Variants in AP1M1 observed in about 807,000 individuals in gnomAD.
AP1M1 encodes AP-1 complex subunit mu-1.
In AP1M1, 18 loss-of-function variants were observed where a neutral mutation model predicts 57.1. The ratio of observed to expected loss-of-function variants is 0.32; its 90% CI spans 0.22 to 0.47. The LOEUF (loss-of-function observed/expected upper bound fraction) is 0.47. Ranked by LOEUF, AP1M1 falls within the 20% of genes least tolerant of loss-of-function variation. AP1M1 has a pLI of 1.00. For synonymous variants in AP1M1, 241 were observed against 237.9 expected, an observed-to-expected ratio of 1.01 and a Z score of -0.12; for missense variants, 362 against 593.5, an observed-to-expected ratio of 0.61 and a Z score of 4.05.
intron 5 of AP1M1, among the ~76,000 whole-genome samples, chr19:16,225,202 T>C (rs2091566023): frequency 6.6e-6 from 1 of 152,192 alleles, no homozygotes; most frequent in Non-Finnish European, 1.5e-5. Flanking sequence ...GGGCTTTTGT[T>C]TGTCTACCCA....
chr19:16,218,398 C>T (rs1302805191), intron 5 of AP1M1, among the ~76,000 whole-genome samples: 1 of 152,220 alleles, frequency 6.6e-6, no homozygotes, highest in Non-Finnish European at 1.5e-5. Context: ...GGGGTCCTTC[C>T]TGCCGGGATT....
At position 16,207,098 on chromosome 19, in the gene AP1M1, G is replaced by C. The variant is rs1293216499; in HGVS notation, c.267+690G>C. On this transcript the variant is annotated intron_variant, in intron 3 of 11. Coordinates refer to ENST00000291439, the MANE Select transcript of AP1M1 (RefSeq NM_032493.4). The surrounding 1 kb of genome is among the most constrained non-coding windows in gnomAD (Gnocchi z 4.2). ...CTGCTGAGCAGAAGGAGGACTTGAG[G>C]CCAGTGAGGAGGCTGCTGCTGGCTT... 6.6e-6 allele frequency among the ~76,000 whole-genome samples: 1 copy of C among 152,222 alleles called. No homozygotes were observed. The highest frequency in any genetic ancestry group is 1.5e-5 in the Non-Finnish European group (1 of 68,036).
chr19:16,212,630 C>T (rs1175450687), intron 5 of AP1M1, among the ~76,000 whole-genome samples: 1 of 152,116 alleles, frequency 6.6e-6, no homozygotes, highest in Non-Finnish European at 1.5e-5. Context: ...TATTTCTTGT[C>T]TTCTGCTAGC....
rs1056099844 is a variant in AP1M1, at chr19:16,213,083, G to T, written c.546+3906G>T. On this transcript the variant is annotated intron_variant, in intron 5 of 11. Transcript: ENST00000291439. ...ATATTCTCTCGTTTTTGGGTGGAGAGTTCTGTAGATATCTATCAGGTCCAG... is the reference window on the plus strand; with the variant it reads ...ATATTCTCTCGTTTTTGGGTGGAGATTTCTGTAGATATCTATCAGGTCCAG... Among the ~76,000 whole-genome samples, 3 of 152,144 alleles carry T rather than the reference G, an allele frequency of 2.0e-5. No individual in the cohort carries two copies. The East Asian group carries it at 5.8e-4, about 29-fold the overall frequency.
intron 9 of AP1M1, among the ~76,000 whole-genome samples, chr19:16,229,615 A>G (rs1040714897): frequency 6.6e-6 from 1 of 152,216 alleles, no homozygotes; most frequent in Admixed American, 6.5e-5. Flanking sequence ...ACTTGGGGAC[A>G]GCCCCAGCTG....
rs1446814263 is a variant in AP1M1, at chr19:16,227,059, A to C, written c.674-489A>C. Among the ~76,000 whole-genome samples, 1 of 152,096 alleles carries C rather than the reference A, an allele frequency of 6.6e-6. No homozygotes were observed. The highest frequency in any genetic ancestry group is 1.5e-5 in the Non-Finnish European group (1 of 67,998). On this transcript the variant is annotated intron_variant, in intron 6 of 11. Transcript: ENST00000291439. The surrounding 1 kb of genome is among the most constrained non-coding windows in gnomAD (Gnocchi z 6.2). Reference sequence around the variant, plus strand: ...CTGGAAGAGGGTGCAGTGGCTGGGCATGCCCCCGTTCCTAGCCCGGTGAGG... The same window carrying C: ...CTGGAAGAGGGTGCAGTGGCTGGGCCTGCCCCCGTTCCTAGCCCGGTGAGG...
chr19:16,200,639 C>G (rs2091442982), intron 1 of AP1M1, among the ~76,000 whole-genome samples: 1 of 152,224 alleles, frequency 6.6e-6, no homozygotes, highest in African/African-American at 2.4e-5. Context: ...CTGAGAAATT[C>G]ATGGCCACGT....
Position 16,203,204 on chromosome 19 carries a change from C to T in AP1M1, c.43-255C>T, listed in dbSNP as rs941845369. On this transcript the variant is annotated intron_variant, in intron 1 of 11. Coordinates refer to ENST00000291439, the MANE Select transcript of AP1M1 (RefSeq NM_032493.4). This position sits in a 1 kb window ranked among gnomAD's most constrained non-coding sequence, Gnocchi z 4.6. ...GTGATTCAGTCCTGGACCTTTGCTG[C>T]AGAGTTCGCCTCTACCCTCACCCTG... 10 of 520,316 alleles carry T rather than the reference C, an allele frequency of 1.9e-5. No homozygotes were observed. In the East Asian group the frequency reaches 3.5e-4, roughly 18 times the overall value. The allele number at this position is 520,316 out of a possible 1,614,324, so 32.2% of individuals were successfully genotyped here.
chr19:16,205,969 G>A (rs76480524), intron 2 of AP1M1, among the ~76,000 whole-genome samples: 3,935 of 152,256 alleles, frequency 0.026, 169 homozygotes, highest in African/African-American at 0.09. Flanking sequence ...TCATGATGAG[G>A]TCAGCTTTGG....
In AP1M1 at chr19:16,242,364, AC is replaced by A. The variant is rs2091648527; in HGVS notation, c.*7930del. On this transcript the variant is annotated 3_prime_UTR_variant, in exon 12 of 12. Transcript: ENST00000291439. The stretch of plus-strand genomic sequence containing the variant: ...CAGGATAAATGCAGGGATGTTCTAA[AC>A]TTTTTAAAATAATAAATAATAGTAC... The A allele has an allele frequency of 1.3e-5, 2 of 152,174 alleles. No individual in the cohort carries two copies. The highest frequency in any genetic ancestry group is 2.9e-5 in the Non-Finnish European group (2 of 68,040). The allele number at this position is 152,174 out of a possible 1,614,324, so 9.4% of individuals were successfully genotyped here.
chr19:16,227,952 G>A lies in AP1M1; in HGVS notation c.817-185G>A, dbSNP rs557765112. 2.9e-4 allele frequency among the ~76,000 whole-genome samples: 44 copies of A among 152,332 alleles called. No individual in the cohort carries two copies. Among genetic ancestry groups the A allele is most frequent in the African/African-American group, 8.4e-4 (35 of 41,590 alleles). On this transcript the variant is annotated intron_variant, in intron 7 of 11. Coordinates refer to ENST00000291439, the MANE Select transcript of AP1M1 (RefSeq NM_032493.4). The surrounding 1 kb of genome is among the most constrained non-coding windows in gnomAD (Gnocchi z 6.2). ...TCTGCATTTGCCCCAAGGCCTCCCC[G>A]GTAGCTCCCGGCTACCTCGGCCTGT...
rs535195278 is a variant in AP1M1, at chr19:16,227,333, G to C, written c.674-215G>C. Among the ~76,000 whole-genome samples the C allele has an allele frequency of 2.6e-5, 4 of 152,174 alleles. No homozygotes were observed. In the South Asian group the frequency reaches 8.3e-4, roughly 32 times the overall value. On this transcript the variant is annotated intron_variant, in intron 6 of 11. Coordinates refer to ENST00000291439, the MANE Select transcript of AP1M1 (RefSeq NM_032493.4). This position sits in a 1 kb window ranked among gnomAD's most constrained non-coding sequence, Gnocchi z 6.2. The stretch of plus-strand genomic sequence containing the variant: ...GCCGCTGGGGACTCAGCATGAACCA[G>C]ACCCACCAGCCCTGCCCCTGGGGAC...
rs142391348 is a variant in AP1M1, at chr19:16,234,653, G to C, written c.*218G>C. 4.1e-5 allele frequency: 25 copies of C among 610,646 alleles called. No homozygotes were observed. Among genetic ancestry groups the C allele is most frequent in the African/African-American group, 4.1e-4 (22 of 54,032 alleles). The allele number at this position is 610,646 out of a possible 1,614,324, so 37.8% of individuals were successfully genotyped here. ...AAGAGGCTGGTCTTCAAGAAGTCTCGTTTCTTTGCCCCTGAAGTCAGTTTC... is the reference window on the plus strand; with the variant it reads ...AAGAGGCTGGTCTTCAAGAAGTCTCCTTTCTTTGCCCCTGAAGTCAGTTTC... On this transcript the variant is annotated 3_prime_UTR_variant, in exon 12 of 12. Transcript: ENST00000291439.
rs142816946 is a variant in AP1M1 at position 16,236,787 on chromosome 19, T to C, written c.*2352T>C. On this transcript the variant is annotated 3_prime_UTR_variant, in exon 12 of 12. Transcript: ENST00000291439. ...ACCTCCCTGGAGGGACCTAACTTCA[T>C]GCCTTGTTACCTAAGATCCTCGCAC... is the stretch of plus-strand genomic sequence containing the variant. The C allele has an allele frequency of 1.5e-4, 23 of 152,362 alleles. No homozygotes were observed. The highest frequency in any genetic ancestry group is 5.3e-4 in the African/African-American group (22 of 41,586). 9.4% of individuals were successfully genotyped at this position (152,362 alleles called of 1,614,324 possible).
At position 16,227,792 on chromosome 19, in the gene AP1M1, G is replaced by A. The variant is rs895848575; in HGVS notation, c.816+102G>A. 12 of 1,393,492 alleles carry A rather than the reference G, an allele frequency of 8.6e-6. No homozygotes were observed. Among genetic ancestry groups the A allele is most frequent in the Admixed American group, 1.9e-5 (1 of 53,810 alleles). 86.3% of individuals were successfully genotyped at this position (1,393,492 alleles called of 1,614,324 possible). A position where few individuals can be genotyped will look rare whatever the true frequency, so the allele number is the denominator to read the frequency against. ...GGCGCCAGGGCCAGCCCCACCCCAC[G>A]CTCCATGAGCTGCCTGGCTCTGCAG... On this transcript the variant is annotated intron_variant, in intron 7 of 11. Transcript: ENST00000291439. This position sits in a 1 kb window ranked among gnomAD's most constrained non-coding sequence, Gnocchi z 6.2.
intron 5 of AP1M1, among the ~76,000 whole-genome samples, chr19:16,220,472 C>T (rs190662212): frequency 1.3e-5 from 2 of 152,240 alleles, no homozygotes; most frequent in East Asian, 3.9e-4. Context: ...CTCACCGCAA[C>T]CTCTGCCTCC....
chr19:16,226,687 G>A (rs2091572727), intron 6 of AP1M1, 140 bp downstream of exon 6: 3 of 1,077,530 alleles, frequency 2.8e-6, no homozygotes, highest in Non-Finnish European at 3.9e-6. Flanking sequence ...CACTGCTTGA[G>A]ACAGCTGTGT....
chr19:16,211,185 C>T (rs138590907), intron 5 of AP1M1, among the ~76,000 whole-genome samples: 4 of 151,428 alleles, frequency 2.6e-5, no homozygotes, highest in Non-Finnish European at 4.4e-5. Flanking sequence ...CCTCCACCTC[C>T]GGGCTTCAAG....
rs2091581308 is a variant in AP1M1 at position 16,228,566 on chromosome 19, A to G, written c.889-204A>G. On this transcript the variant is annotated intron_variant, in intron 8 of 11. Coordinates refer to ENST00000291439, the MANE Select transcript of AP1M1 (RefSeq NM_032493.4). This position sits in a 1 kb window ranked among gnomAD's most constrained non-coding sequence, Gnocchi z 5.0. ...GAGGAGCCTTGGAAGCTGAGCAGAC[A>G]GGAGGATGAAGATGAAACTCCTGAA... 6.6e-6 allele frequency among the ~76,000 whole-genome samples: 1 copy of G among 152,294 alleles called. No homozygotes were observed. Among genetic ancestry groups the G allele is most frequent in the South Asian group, 2.1e-4 (1 of 4,824 alleles).
Sources: gnomAD v4.1 joint callset for allele counts (sites outside exome capture counted in the v4.1 genomes callset) on GRCh38, gnomAD v4.1.1 for gene constraint, Gnocchi (gnomAD v3.1) non-coding constraint, MANE v1.5 for transcripts, NCBI Gene and HGNC (gene_info 2026-07-23, HGNC 2026-07-21) for gene names.